Variants in MYL4 observed in about 807,000 individuals in gnomAD.
MYL4 encodes myosin light chain 4, also known as atrial myosin light chain 1.
MYL4 carries 16 observed loss-of-function variants against 21.6 expected under a neutral mutation model. That is an observed-to-expected ratio of 0.74 (90% CI 0.50 to 1.12). MYL4 has a LOEUF of 1.12. MYL4 is among the 50% of genes most tolerant of loss of function. The pLI, the probability that MYL4 is intolerant of heterozygous loss-of-function variation, is 0.00. For synonymous variants in MYL4, 82 were observed against 95.7 expected (o/e 0.86, Z 0.83); for missense variants, 249 against 252.9 (o/e 0.98, Z 0.11).
intron 2 of MYL4, 98 bp downstream of exon 2, chr17:47,213,924 T>C: frequency 7.4e-7 from 1 of 1,349,684 alleles, no homozygotes; most frequent in South Asian, 1.2e-5. Flanking sequence ...CTCATGGTAA[T>C]AGTAATCACT....
At chr17:47,219,169 G>T (rs1198534579) in intron 2 of MYL4, among the ~76,000 whole-genome samples, 1 of 152,236 alleles carries the variant, frequency 6.6e-6, no homozygotes, top group Non-Finnish European at 1.5e-5. Flanking sequence ...ATCTGGCCTG[G>T]GGGCCGCCTT....
chr17:47,204,838 C>T (rs1830812285), upstream of MYL4, among the ~76,000 whole-genome samples: 1 of 152,168 alleles, frequency 6.6e-6, no homozygotes, highest in African/African-American at 2.4e-5. Context: ...CCCAAATTAC[C>T]CAGTACTCTC....
intron 1 of MYL4, among the ~76,000 whole-genome samples, chr17:47,200,898 G>A (rs144684006): frequency 3.3e-5 from 5 of 152,338 alleles, no homozygotes; most frequent in East Asian, 1.9e-4. Flanking sequence ...TTGGCTGGGC[G>A]CTATGGCTCA....
chr17:47,208,167 C>A (rs1268245413), upstream of MYL4, among the ~76,000 whole-genome samples: 1 of 152,148 alleles, frequency 6.6e-6, no homozygotes, highest in Admixed American at 6.5e-5. Flanking sequence ...ATAATCCCAG[C>A]CCTTTGGAAG....
At chr17:47,208,119 A>G (rs1163492502), upstream of MYL4, among the ~76,000 whole-genome samples, 1 of 152,196 alleles carries the variant, frequency 6.6e-6, no homozygotes, top group African/African-American at 2.4e-5. Context: ...TGAAAATAAT[A>G]ATAGTATCTA....
chr17:47,222,225 C>T (rs1047288002), intron 4 of MYL4, 155 bp from the exon 5 acceptor site: 22 of 736,394 alleles, frequency 3.0e-5, no homozygotes, highest in South Asian at 1.8e-4. Context: ...GACCCTTGGC[C>T]GCACCCTTCA....
chr17:47,221,655 C>A, intron 3 of MYL4, 27 bp from the exon 4 acceptor site: 2 of 1,598,310 alleles, frequency 1.3e-6, no homozygotes, highest in Non-Finnish European at 8.5e-7. Context: ...ACATTGATTT[C>A]TCTTTCTTTA....
chr17:47,223,759 G>A (rs902788927), downstream of MYL4: 2 of 152,248 alleles, frequency 1.3e-5, no homozygotes, highest in African/African-American at 4.8e-5. Context: ...GTGTGAGAGA[G>A]AGAGAGATAA....
At chr17:47,214,255 A>T (rs759507018) in intron 2 of MYL4, among the ~76,000 whole-genome samples, 13 of 152,144 alleles carry the variant, frequency 8.5e-5, no homozygotes, top group Admixed American at 2.0e-4. Context: ...GGCCCCAAAG[A>T]TCTATCTAAG....
chr17:47,192,746 G>A, the MYL4 span, among the ~76,000 whole-genome samples: 11 of 152,066 alleles, frequency 7.2e-5, no homozygotes, highest in African/African-American at 2.7e-4. Context: ...ATTGTTTGAA[G>A]TACTTTGATG....
chr17:47,213,900 G>A, intron 2 of MYL4, 74 bp downstream of exon 2: 1 of 1,511,958 alleles, frequency 6.6e-7, no homozygotes, highest in South Asian at 1.1e-5. Flanking sequence ...GGAAGAAGAG[G>A]AGGAGTAGTT....
chr17:47,227,542 C>T (rs1286256768), downstream of MYL4, among the ~76,000 whole-genome samples: 1 of 152,068 alleles, frequency 6.6e-6, no homozygotes, highest in Non-Finnish European at 1.5e-5. Context: ...CTTTCACCTC[C>T]ACCTCCTCTT....
downstream of MYL4, among the ~76,000 whole-genome samples, chr17:47,225,344 G>A (rs139724476): frequency 3.0e-4 from 46 of 152,340 alleles, no homozygotes; most frequent in South Asian, 6.2e-4. Context: ...ATCTTTATAC[G>A]GTTGAGCAGG....
Position 47,213,871 on chromosome 17 carries a change from T to TGGA in MYL4, c.163+64_163+66dup, listed in dbSNP as rs138017390. 3.5e-3 allele frequency: 5,538 copies of TGGA among 1,597,314 alleles called. 141 individuals are homozygous for TGGA. In the African/African-American group the frequency reaches 0.064, roughly 18 times the overall value. ...CCTCTCCGTCTCTATTGCACTTTCCTGGAGGAGGAGGAGGAGGAGGAAGAA... is the reference window on the plus strand; with the variant it reads ...CCTCTCCGTCTCTATTGCACTTTCCTGGAGGAGGAGGAGGAGGAGGAGGAAGAA... On this transcript the variant is annotated intron_variant, in intron 2 of 6. Coordinates refer to ENST00000393450, the MANE Select transcript of MYL4 (RefSeq NM_002476.2).
At chr17:47,203,661 C>T (rs1009329317) in intron 1 of MYL4, among the ~76,000 whole-genome samples, 30 of 152,176 alleles carry the variant, frequency 2.0e-4, no homozygotes, top group Non-Finnish European at 4.4e-5. Context: ...CATATTTCCA[C>T]TTAAGTTACA....
At chr17:47,213,733 C>T in intron 1 of MYL4, 66 bp from the exon 2 acceptor site, 2 of 1,477,654 alleles carry the variant, frequency 1.4e-6, no homozygotes, top group Non-Finnish European at 1.8e-6. Context: ...CTTCTACTTC[C>T]CTTTGGGGGG....
rs747700234 is a variant in MYL4, at chr17:47,209,541, A to T, written c.119A>T (p.Asp40Val). ...GAGGCTCCCAAGGAACCTGCCTTTG[A>T]CCCCAAGAGTGTAAAGGTAAGTGAG... The part of the protein sequence containing the change: ...APEAPKEPAF[D>V]PKSVKIDFTA... Residue 40 changes from aspartate to valine, a missense_variant, in exon 1 of 7, where the codon GAC becomes GTC. Coordinates refer to ENST00000393450, the MANE Select transcript of MYL4 (RefSeq NM_002476.2). The T allele has an allele frequency of 6.2e-7, 1 of 1,614,140 alleles. No individual in the cohort carries two copies. The highest frequency in any genetic ancestry group is 1.1e-5 in the South Asian group (1 of 91,066).
rs780020430 is a variant in MYL4 at position 47,209,535 on chromosome 17, C to G, written c.113C>G (p.Ala38Gly). Reference protein sequence around the residue: ...APAPEAPKEPAFDPKSVKIDF... With the variant: ...APAPEAPKEPGFDPKSVKIDF... Reference sequence around the variant, plus strand: ...GCTCCTGAGGCTCCCAAGGAACCTGCCTTTGACCCCAAGAGTGTAAAGGTA... The same window carrying G: ...GCTCCTGAGGCTCCCAAGGAACCTGGCTTTGACCCCAAGAGTGTAAAGGTA... The change falls in exon 1 of 7, where the codon GCC becomes GGC. Residue 38 changes from alanine to glycine, a missense_variant. Physicochemically the swap from Ala to Gly is moderately conservative, Grantham distance 60. Coordinates refer to ENST00000393450, the MANE Select transcript of MYL4 (RefSeq NM_002476.2). 46 of 1,614,092 alleles carry G rather than the reference C, an allele frequency of 2.8e-5. No individual in the cohort carries two copies. In the East Asian group the frequency reaches 1.0e-3, roughly 35 times the overall value.
At chr17:47,213,191 T>C (rs1255981596) in intron 1 of MYL4, among the ~76,000 whole-genome samples, 4 of 152,148 alleles carry the variant, frequency 2.6e-5, no homozygotes, top group African/African-American at 9.7e-5. Context: ...GGCATTACAA[T>C]AGGCAGTCCG....
Sources: allele counts gnomAD v4.1 joint callset (sites outside exome capture counted in the v4.1 genomes callset), GRCh38; gene constraint gnomAD v4.1.1; transcripts MANE v1.5; gene names NCBI Gene and HGNC (gene_info 2026-07-23, HGNC 2026-07-21).